The following CAMK1D variants were observed in gnomAD, a reference collection of about 807,000 sequenced individuals.
CAMK1D encodes calcium/calmodulin-dependent protein kinase type 1D.
Under a neutral mutation model 47.7 loss-of-function variants are expected in CAMK1D, and 9 were observed. That is an observed-to-expected ratio of 0.19 (90% CI 0.11 to 0.33). The LOEUF (loss-of-function observed/expected upper bound fraction) is 0.33, where lower values mean the gene tolerates loss of function less well. CAMK1D is among the 10% of genes least tolerant of loss of function. CAMK1D has a pLI of 1.00. For synonymous variants in CAMK1D, 184 were observed against 184.9 expected (o/e 0.99, Z 0.04); for missense variants, 291 against 488.7 (o/e 0.60, Z 3.81).
At chr10:12,382,880 T>C (rs111976862) in intron 1 of CAMK1D, among the ~76,000 whole-genome samples, 5,750 of 152,102 alleles carry the variant, frequency 0.038, 156 homozygotes, top group Middle Eastern at 0.12. Flanking sequence ...TCTGTGTTCC[T>C]TCCTAGCACT....
intron 1 of CAMK1D, among the ~76,000 whole-genome samples, chr10:12,387,034 T>G (rs2131881782): frequency 6.6e-6 from 1 of 151,864 alleles, no homozygotes; most frequent in South Asian, 2.1e-4. Flanking sequence ...AAACCCCGTC[T>G]CTACTAAAAA....
chr10:12,396,706 G>T (rs1204460885), intron 1 of CAMK1D, among the ~76,000 whole-genome samples: 2 of 152,206 alleles, frequency 1.3e-5, no homozygotes, highest in Admixed American at 6.5e-5. Flanking sequence ...GGCAGCTCCT[G>T]CAGGCTGTGC....
rs535255131 is a variant in CAMK1D, at chr10:12,680,899, A to AT, written c.299+14089_299+14090insT. Among the ~76,000 whole-genome samples the AT allele has an allele frequency of 3.7e-4, 56 of 151,776 alleles. 1 individual carries two copies. Among genetic ancestry groups the AT allele is most frequent in the African/African-American group, 1.4e-3 (56 of 41,410 alleles). On this transcript the variant is annotated intron_variant, in intron 3 of 10. Transcript: ENST00000619168. Reference sequence around the variant, plus strand: ...GACCATGTCTCAAAAAAAAAAAAAAAAATCTTTACTCCACTGTAGCTCAGG... The same window carrying AT: ...GACCATGTCTCAAAAAAAAAAAAAAATAATCTTTACTCCACTGTAGCTCAGG...
chr10:12,740,614 AAAG>A (rs968252570), intron 3 of CAMK1D, among the ~76,000 whole-genome samples: 1 of 152,150 alleles, frequency 6.6e-6, no homozygotes. Flanking sequence ...AAAAAAAAGA[AAAG>A]AAACTGGGAG....
intron 3 of CAMK1D, among the ~76,000 whole-genome samples, chr10:12,746,073 C>T (rs1016118896): frequency 1.3e-5 from 2 of 152,016 alleles, no homozygotes; most frequent in South Asian, 2.1e-4. Context: ...GTCCTGATGC[C>T]GACTGTATTT....
chr10:12,657,350 A>C (rs927082748), intron 2 of CAMK1D, among the ~76,000 whole-genome samples: 58 of 152,100 alleles, frequency 3.8e-4, no homozygotes, highest in African/African-American at 1.3e-3. Context: ...GCTTGAACCT[A>C]GGAGGCTGAG....
chr10:12,626,683 C>T (rs539504331), intron 2 of CAMK1D, among the ~76,000 whole-genome samples: 3 of 152,264 alleles, frequency 2.0e-5, no homozygotes, highest in Admixed American at 2.0e-4. Context: ...CCATGTTGGC[C>T]AGGCTGGCCT....
Position 12,557,250 on chromosome 10 carries a change from A to C in CAMK1D, c.224+3894A>C, listed in dbSNP as rs907362934. ...ATTGGTAAAGTTTTTCAGACACAGC[A>C]TGTAAGAAAAAAGTCCTGGCCGGGT... On this transcript the variant is annotated intron_variant, in intron 2 of 10. Coordinates refer to ENST00000619168, the MANE Select transcript of CAMK1D (RefSeq NM_153498.4). Among the ~76,000 whole-genome samples, 22 of 152,180 alleles carry C rather than the reference A, an allele frequency of 1.4e-4. 2 individuals are homozygous for C. Among genetic ancestry groups the C allele is most frequent in the African/African-American group, 5.3e-4 (22 of 41,442 alleles).
At chr10:12,478,835 C>T (rs149688138) in intron 1 of CAMK1D, among the ~76,000 whole-genome samples, 29 of 152,264 alleles carry the variant, frequency 1.9e-4, no homozygotes, top group Non-Finnish European at 2.8e-4. Flanking sequence ...CCATCCTCCC[C>T]GCTGTTTCTG....
intron 2 of CAMK1D, among the ~76,000 whole-genome samples, chr10:12,616,374 AC>A (rs1157606938): frequency 6.6e-6 from 1 of 152,216 alleles, no homozygotes; most frequent in African/African-American, 2.4e-5. Context: ...AGCGAGACAG[AC>A]TGTTCTAAAC....
intron 1 of CAMK1D, among the ~76,000 whole-genome samples, chr10:12,408,073 G>C (rs1839510622): frequency 6.6e-6 from 1 of 152,078 alleles, no homozygotes; most frequent in South Asian, 2.1e-4. Flanking sequence ...GGCCAGGCTG[G>C]TCTCAAACTC....
chr10:12,521,555 A>G (rs1263807475), intron 1 of CAMK1D, among the ~76,000 whole-genome samples: 1 of 152,182 alleles, frequency 6.6e-6, no homozygotes, highest in Non-Finnish European at 1.5e-5. Flanking sequence ...GTGTGCTTAA[A>G]AAGACTTTGT....
chr10:12,620,486 T>C (rs1838966737), intron 2 of CAMK1D, among the ~76,000 whole-genome samples: 1 of 152,268 alleles, frequency 6.6e-6, no homozygotes, highest in African/African-American at 2.4e-5. Flanking sequence ...TGGTGTCTTA[T>C]TGGAATATTA....
chr10:12,389,698 T>C (rs982338366), intron 1 of CAMK1D, among the ~76,000 whole-genome samples: 1 of 152,124 alleles, frequency 6.6e-6, no homozygotes, highest in African/African-American at 2.4e-5. Context: ...GGCCGTGAGT[T>C]TGAAAGTTGT....
At chr10:12,772,174 G>T (rs1298414567) in intron 5 of CAMK1D, among the ~76,000 whole-genome samples, 5 of 152,192 alleles carry the variant, frequency 3.3e-5, no homozygotes, top group Non-Finnish European at 7.3e-5. Context: ...GGTGGTGACG[G>T]GAGGAAAGAG....
intron 1 of CAMK1D, among the ~76,000 whole-genome samples, chr10:12,483,856 G>T (rs550293828): frequency 1.3e-5 from 2 of 152,094 alleles, no homozygotes; most frequent in East Asian, 3.9e-4. Context: ...GCAGCTAATT[G>T]TTGTATTTTT....
intron 2 of CAMK1D, among the ~76,000 whole-genome samples, chr10:12,610,902 T>C (rs1838599103): frequency 1.3e-5 from 2 of 152,208 alleles, no homozygotes; most frequent in Non-Finnish European, 2.9e-5. Flanking sequence ...TCTGTGAGTT[T>C]AGTTAACAGG....
At chr10:12,403,275 T>C (rs1014965266) in intron 1 of CAMK1D, among the ~76,000 whole-genome samples, 1 of 152,374 alleles carries the variant, frequency 6.6e-6, no homozygotes, top group Non-Finnish European at 1.5e-5. Context: ...TGTGTTCACA[T>C]GGACATCTGC....
chr10:12,515,558 TCCCTCCC>T (rs1442610079), intron 1 of CAMK1D, among the ~76,000 whole-genome samples: 1 of 100,306 alleles, frequency 1.0e-5, no homozygotes, highest in Non-Finnish European at 2.0e-5. Context: ...CCCAATGCTA[TCCCTCCC>T]CCCTCCCCCG....
Sources: allele counts gnomAD v4.1 joint callset (sites outside exome capture counted in the v4.1 genomes callset), GRCh38; gene constraint gnomAD v4.1.1; transcripts MANE v1.5; gene names NCBI Gene and HGNC (gene_info 2026-07-23, HGNC 2026-07-21).